The following IQGAP1 variants were observed in gnomAD, a reference collection of about 807,000 sequenced individuals.
IQGAP1 encodes IQ motif containing GTPase activating protein 1.
A neutral mutation model predicts 215.6 loss-of-function variants in IQGAP1; 66 were observed. That is an observed-to-expected ratio of 0.31 (90% CI 0.25 to 0.38). IQGAP1 has a LOEUF of 0.38. Ranked by LOEUF, IQGAP1 falls within the 10% of genes least tolerant of loss-of-function variation. The pLI is 1.00. For synonymous variants in IQGAP1, 772 were observed against 728.7 expected, an observed-to-expected ratio of 1.06 and a Z score of -0.96; for missense variants, 1,712 against 1,997.1, an observed-to-expected ratio of 0.86 and a Z score of 2.72.
chr15:90,424,565 G>A (rs943502269), intron 2 of IQGAP1, among the ~76,000 whole-genome samples: 1 of 152,166 alleles, frequency 6.6e-6, no homozygotes, highest in Admixed American at 6.5e-5. Context: ...AGCTGGGAAC[G>A]GTGGCTTACG....
chr15:90,470,737 C>G (rs1186630886), intron 18 of IQGAP1, among the ~76,000 whole-genome samples: 2 of 152,074 alleles, frequency 1.3e-5, no homozygotes, highest in South Asian at 2.1e-4. Context: ...CTTAGTAAAA[C>G]TCTTATTTTA....
chr15:90,494,412 G>A (rs1966246219), intron 35 of IQGAP1: 1 of 190,008 alleles, frequency 5.3e-6, no homozygotes, highest in Admixed American at 6.1e-5. Flanking sequence ...AGCTCTCCTA[G>A]TTACTTGTTA....
At chr15:90,490,045 G>C (rs1391480923) in intron 33 of IQGAP1, among the ~76,000 whole-genome samples, 3 of 152,190 alleles carry the variant, frequency 2.0e-5, no homozygotes, top group East Asian at 1.9e-4. Context: ...GTGATGCAGA[G>C]TAGTCTTGAC....
chr15:90,484,130 A>G (rs1410103648), intron 29 of IQGAP1, 90 bp from the exon 30 acceptor site: 17 of 1,143,464 alleles, frequency 1.5e-5, no homozygotes, highest in African/African-American at 6.2e-5. Flanking sequence ...TTCTGTTTGC[A>G]CTCATTGTGT....
chr15:90,498,434 A>T (rs981529117), intron 37 of IQGAP1, among the ~76,000 whole-genome samples: 1 of 151,418 alleles, frequency 6.6e-6, no homozygotes, highest in Admixed American at 6.6e-5. Context: ...TTTTTTATTT[A>T]CGTGGAGTTA....
chr15:90,398,405 CT>C (rs1191212272), intron 2 of IQGAP1, among the ~76,000 whole-genome samples: 1 of 151,710 alleles, frequency 6.6e-6, no homozygotes, highest in Non-Finnish European at 1.5e-5. Context: ...TAATACTGTA[CT>C]ATATATTTAA....
chr15:90,412,222 C>T (rs1342294557), intron 2 of IQGAP1, among the ~76,000 whole-genome samples: 3 of 152,102 alleles, frequency 2.0e-5, no homozygotes, highest in South Asian at 4.1e-4. Flanking sequence ...TTCACTTATT[C>T]CTATAGCTTT....
At chr15:90,487,438 A>C in intron 32 of IQGAP1, 57 bp from the exon 33 acceptor site, 1 of 1,274,616 alleles carries the variant, frequency 7.8e-7, no homozygotes, top group Non-Finnish European at 1.1e-6. Flanking sequence ...GCTTCGGTCC[A>C]CTTGAGAGGA....
chr15:90,440,635 G>A lies in IQGAP1; in HGVS notation c.649+20G>A, dbSNP rs112519691. 3.3e-6 allele frequency: 5 copies of A among 1,493,764 alleles called. No homozygotes were observed. In the South Asian group the frequency reaches 4.8e-5, roughly 14 times the overall value. The allele number at this position is 1,493,764 out of a possible 1,614,324, so 92.5% of individuals were successfully genotyped here. On this transcript the variant is annotated intron_variant, in intron 7 of 37. Coordinates refer to ENST00000268182, the MANE Select transcript of IQGAP1 (RefSeq NM_003870.4). Reference sequence around the variant, plus strand: ...CCGCATGTAAGAAGAGAGAAATTTTGTGGGTTCAACTGGGATTGTTGCCAC... The same window carrying A: ...CCGCATGTAAGAAGAGAGAAATTTTATGGGTTCAACTGGGATTGTTGCCAC...
At chr15:90,419,070 G>T (rs145556029) in intron 2 of IQGAP1, among the ~76,000 whole-genome samples, 13 of 150,726 alleles carry the variant, frequency 8.6e-5, no homozygotes, top group Non-Finnish European at 1.3e-4. Context: ...CCAGAGGATC[G>T]CTTGAACCCT....
At chr15:90,390,452 A>G (rs973477464) in intron 1 of IQGAP1, among the ~76,000 whole-genome samples, 2 of 152,246 alleles carry the variant, frequency 1.3e-5, no homozygotes, top group Admixed American at 6.5e-5. Context: ...GGGAAACAAT[A>G]TTATCAGATC....
intron 2 of IQGAP1, among the ~76,000 whole-genome samples, chr15:90,396,286 A>G (rs1198132522): frequency 1.1e-4 from 17 of 152,138 alleles, no homozygotes; most frequent in Admixed American, 9.8e-4. Context: ...GCACCCTGGG[A>G]TCATGAAAAT....
chr15:90,422,709 T>A (rs1391969733), intron 2 of IQGAP1, among the ~76,000 whole-genome samples: 1 of 145,152 alleles, frequency 6.9e-6, no homozygotes, highest in Non-Finnish European at 1.5e-5. Context: ...GTATATATAA[T>A]TTTTGAGACA....
rs374897075 is a variant in IQGAP1 at position 90,485,585 on chromosome 15, A to T, written c.3922-445A>T. Among the ~76,000 whole-genome samples the T allele has an allele frequency of 2.6e-5, 4 of 152,114 alleles. No homozygotes were observed. In the East Asian group the frequency reaches 5.8e-4, roughly 22 times the overall value. On this transcript the variant is annotated intron_variant, in intron 30 of 37. Transcript: ENST00000268182. ...CTCCCTAGTAGCTGGGATTACAGGC[A>T]CACACCAGCACGCCCAGCTAATTTT...
intron 17 of IQGAP1, 100 bp downstream of exon 17, chr15:90,466,536 T>G: frequency 8.7e-7 from 1 of 1,147,608 alleles, no homozygotes; most frequent in Non-Finnish European, 1.3e-6. Context: ...AAAGACCTTT[T>G]AGCATAGATG....
chr15:90,407,042 T>C (rs1403716765), intron 2 of IQGAP1, among the ~76,000 whole-genome samples: 1 of 152,214 alleles, frequency 6.6e-6, no homozygotes, highest in Non-Finnish European at 1.5e-5. Flanking sequence ...ATGGATCTCG[T>C]AGTCTAGAGC....
At chr15:90,498,291 A>G (rs1187304774) in intron 37 of IQGAP1, among the ~76,000 whole-genome samples, 1 of 152,156 alleles carries the variant, frequency 6.6e-6, no homozygotes, top group African/African-American at 2.4e-5. Flanking sequence ...AGACCATTAA[A>G]ACATGTTAGC....
chr15:90,474,220 C>A (rs979485840), intron 22 of IQGAP1, 87 bp downstream of exon 22: 3 of 1,224,668 alleles, frequency 2.4e-6, no homozygotes, highest in Non-Finnish European at 1.1e-6. Context: ...CTTTTGTTAT[C>A]CTGAAGGCAA....
In IQGAP1 at chr15:90,501,459, T is replaced by C. The variant is rs889992887; in HGVS notation, c.*1351T>C. On this transcript the variant is annotated 3_prime_UTR_variant, in exon 38 of 38. Coordinates refer to ENST00000268182, the MANE Select transcript of IQGAP1 (RefSeq NM_003870.4). ...CTGCTGAGCCTCTATTTTCTTTCTT[T>C]GATGTTTTGATTCAGTATTCTTTTA... 4 of 152,200 alleles carry C rather than the reference T, an allele frequency of 2.6e-5. No individual in the cohort carries two copies. Among genetic ancestry groups the C allele is most frequent in the Admixed American group, 2.0e-4 (3 of 15,272 alleles). The allele number at this position is 152,200 out of a possible 1,614,324, so 9.4% of individuals were successfully genotyped here. A position where few individuals can be genotyped will look rare whatever the true frequency, so the allele number is the denominator to read the frequency against.
Sources: gnomAD v4.1 joint callset for allele counts (sites outside exome capture counted in the v4.1 genomes callset) on GRCh38, gnomAD v4.1.1 for gene constraint, MANE v1.5 for transcripts, NCBI Gene and HGNC (gene_info 2026-07-23, HGNC 2026-07-21) for gene names.